SEMA4G: variants seen among roughly 807,000 people sequenced by gnomAD.
SEMA4G encodes the protein semaphorin 4G.
SEMA4G carries 59 observed loss-of-function variants against 81.2 expected under a neutral mutation model. The observed-to-expected ratio is 0.73, with a 90% CI of 0.59 to 0.90. SEMA4G has a LOEUF of 0.90. Ranked by LOEUF, SEMA4G falls within the 40% of genes least tolerant of loss-of-function variation. The probability of loss-of-function intolerance (pLI) is 0.00; values close to 1 mark genes in which losing one functional copy is unlikely to be tolerated. For synonymous variants in SEMA4G, 404 were observed against 433.9 expected (o/e 0.93, Z 0.86); for missense variants, 952 against 1,102.3 (o/e 0.86, Z 1.93).
chr10:100,985,118 G>A (rs1393859490), downstream of SEMA4G: 3 of 457,496 alleles, frequency 6.6e-6, no homozygotes, highest in Non-Finnish European at 1.1e-5. Flanking sequence ...TGCACTCAAT[G>A]AGCCAGCCTC....
chr10:100,977,833 T>C, intron 4 of SEMA4G, 103 bp downstream of exon 5: 2 of 1,033,062 alleles, frequency 1.9e-6, no homozygotes, highest in South Asian at 2.6e-5. Context: ...AGGAGACGGA[T>C]GGTTTATTAA....
At chr10:100,984,952 C>T (rs1318120156), downstream of SEMA4G, 4 of 1,413,332 alleles carry the variant, frequency 2.8e-6, no homozygotes, top group Middle Eastern at 1.8e-4. Context: ...ACACCTGTAT[C>T]ACACATGTGC....
At chr10:100,979,380 G>A in intron 8 of SEMA4G, 109 bp downstream of exon 9, 2 of 1,593,070 alleles carry the variant, frequency 1.3e-6, no homozygotes, top group South Asian at 1.1e-5. Context: ...TGGCTGCAAA[G>A]TGAGAATTTT....
rs775096539 is a variant in SEMA4G, at chr10:100,978,651, T to G, written c.643+11T>G. 2.5e-6 allele frequency: 4 copies of G among 1,610,608 alleles called. No individual in the cohort carries two copies. The South Asian group carries it at 4.4e-5, about 18-fold the overall frequency. The stretch of plus-strand genomic sequence containing the variant: ...TGCATTGGCTCAATGGTTAGGAGGA[T>G]GAGGCACAGGATGATGGGGGGTAGG... On this transcript the variant is annotated intron_variant, in intron 6 of 13. Coordinates refer to ENST00000370250, the Ensembl canonical transcript of SEMA4G.
intron 3 of SEMA4G, 107 bp from the exon 5 acceptor site, chr10:100,977,525 C>T: frequency 1.2e-6 from 1 of 821,224 alleles, no homozygotes; most frequent in Non-Finnish European, 2.1e-6. Context: ...TTGGAAAGAA[C>T]CGTTTGTCCT....
At chr10:100,981,578 A>G (rs1243253158) in intron 13 of SEMA4G, 2 of 1,611,690 alleles carry the variant, frequency 1.2e-6, no homozygotes, top group East Asian at 2.2e-5. Flanking sequence ...ATCACAGCTA[A>G]GATGTATTAA....
At position 100,973,386 on chromosome 10, in the gene SEMA4G, C is replaced by A; in HGVS notation, c.273+109C>A. 2 of 1,446,234 alleles carry A rather than the reference C, an allele frequency of 1.4e-6. No homozygotes were observed. The highest frequency in any genetic ancestry group is 1.4e-5 in the African/African-American group (1 of 71,288). 89.6% of individuals were successfully genotyped at this position (1,446,234 alleles called of 1,614,324 possible). On this transcript the variant is annotated intron_variant, in intron 2 of 13. Transcript: ENST00000370250. The surrounding 1 kb of genome is among the most constrained non-coding windows in gnomAD (Gnocchi z 5.5). ...AGCCTTCCATAGCCCCCTGGTCAGA[C>A]AGCACTGCCCTTCCCAGCCCAGGTG...
At chr10:100,984,939 CA>C, downstream of SEMA4G, 3 of 1,286,602 alleles carry the variant, frequency 2.3e-6, no homozygotes, top group Middle Eastern at 1.8e-4. Flanking sequence ...CATGTGGTAA[CA>C]CACACCTGTA....
In SEMA4G at chr10:100,973,694, T is replaced by C; in HGVS notation, c.336+85T>C. 3 of 1,260,510 alleles carry C rather than the reference T, an allele frequency of 2.4e-6. No homozygotes were observed. 78.1% of individuals were successfully genotyped at this position (1,260,510 alleles called of 1,614,324 possible). On this transcript the variant is annotated intron_variant, in intron 3 of 13. Coordinates refer to ENST00000370250, the Ensembl canonical transcript of SEMA4G. The surrounding 1 kb of genome is among the most constrained non-coding windows in gnomAD (Gnocchi z 5.5). ...CAGGATTGTTGGGGACACAGATGGG[T>C]AGGTACAGACCTGCCAGTCAATCTC... is the stretch of plus-strand genomic sequence containing the variant.
At chr10:100,985,027 A>C, downstream of SEMA4G, 1 of 1,024,766 alleles carries the variant, frequency 9.8e-7, no homozygotes, top group Non-Finnish European at 1.4e-6. Flanking sequence ...TGTTGGGTTT[A>C]GTCCGTGGAC....
At chr10:100,980,328 G>A (rs1564797032) in exon 10 of SEMA4G, 2 of 1,614,138 alleles carry the variant, frequency 1.2e-6, no homozygotes, top group Non-Finnish European at 1.7e-6. Flanking sequence ...CCTATGACCT[G>A]CTCTTTCTGG....
exon 1 of SEMA4G, chr10:100,972,572 C>T (rs943019392): frequency 3.1e-5 from 7 of 225,368 alleles, no homozygotes; most frequent in Non-Finnish European, 5.1e-5. Context: ...CTGTCGGGGG[C>T]AGGGTGACCC....
intron 8 of SEMA4G, 145 bp from the exon 10 acceptor site, chr10:100,979,703 C>T: frequency 2.2e-6 from 2 of 922,038 alleles, no homozygotes; most frequent in Non-Finnish European, 3.3e-6. Context: ...AGAATGAATG[C>T]AGTGGTCCAC....
At chr10:100,980,266 A>G (rs1186433901) in exon 10 of SEMA4G, 3 of 1,614,112 alleles carry the variant, frequency 1.9e-6, no homozygotes, top group South Asian at 1.1e-5. Context: ...CAAGCGCAAC[A>G]TACGCTACAC....
intron 6 of SEMA4G, 75 bp from the exon 8 acceptor site, chr10:100,978,774 G>T: frequency 6.3e-7 from 1 of 1,579,050 alleles, no homozygotes; most frequent in Non-Finnish European, 8.7e-7. Context: ...GTTGTCAAGT[G>T]AGGGGTCAGC....
chr10:100,978,570 T>C (rs1589986519), exon 6 of SEMA4G: 1 of 1,614,112 alleles, frequency 6.2e-7, no homozygotes, highest in African/African-American at 1.3e-5. Flanking sequence ...TCCGGAGCAT[T>C]CCTGACATCC....
At chr10:100,980,457 C>T (rs1382961404) in intron 10 of SEMA4G, 113 bp downstream of exon 11, 2 of 1,346,826 alleles carry the variant, frequency 1.5e-6, no homozygotes, top group African/African-American at 1.4e-5. Context: ...GGGTCCACTG[C>T]TCCTGGCTGA....
chr10:100,970,532 G>A (rs1227001553), upstream of SEMA4G, among the ~76,000 whole-genome samples: 1 of 149,434 alleles, frequency 6.7e-6, no homozygotes, highest in African/African-American at 2.4e-5. Flanking sequence ...AAGGTCAGAA[G>A]CCTCCCCCAT....
chr10:100,971,225 T>C (rs950452327), upstream of SEMA4G, among the ~76,000 whole-genome samples: 1 of 152,226 alleles, frequency 6.6e-6, no homozygotes, highest in Non-Finnish European at 1.5e-5. Context: ...GAGTGGCTCC[T>C]CTAACCTGGG....
Sources: allele counts gnomAD v4.1 joint callset (sites outside exome capture counted in the v4.1 genomes callset), GRCh38; gene constraint gnomAD v4.1.1; non-coding constraint Gnocchi (gnomAD v3.1); transcripts MANE v1.5; gene names NCBI Gene and HGNC (gene_info 2026-07-23, HGNC 2026-07-21).